The following MAN2C1 variants were observed in gnomAD, a reference collection of about 807,000 sequenced individuals.
The protein encoded by MAN2C1 is alpha-mannosidase 2C1.
In MAN2C1, 111 loss-of-function variants were observed where a neutral mutation model predicts 126.9. The observed-to-expected ratio is 0.87, with a 90% CI of 0.75 to 1.02. The LOEUF (loss-of-function observed/expected upper bound fraction) is 1.02. MAN2C1 is among the 50% of genes least tolerant of loss of function. The pLI is 0.00. For missense variants in MAN2C1, 1,363 were observed against 1,364.4 expected, an observed-to-expected ratio of 1.00 and a Z score of 0.02; for synonymous variants, 567 against 561.5, an observed-to-expected ratio of 1.01 and a Z score of -0.14.
Position 75,365,436 on chromosome 15 carries a change from C to T in MAN2C1, c.423-771G>A, listed in dbSNP as rs913056027. Among the ~76,000 whole-genome samples, 10 of 152,004 alleles carry T rather than the reference C, an allele frequency of 6.6e-5. 1 individual carries two copies. Among genetic ancestry groups the T allele is most frequent in the South Asian group, 2.1e-4 (1 of 4,794 alleles). Reference sequence around the variant, plus strand: ...CAATCTTAACTAGTAAAAACTATACCGGGATGAGCCGGGCACGGTGGCTCA... The same window carrying T: ...CAATCTTAACTAGTAAAAACTATACTGGGATGAGCCGGGCACGGTGGCTCA... On this transcript the variant is annotated intron_variant, in intron 4 of 25. Coordinates refer to ENST00000267978, the MANE Select transcript of MAN2C1 (RefSeq NM_006715.4).
In MAN2C1 at chr15:75,364,166, C is replaced by T. The variant is rs761124020; in HGVS notation, c.623G>A (p.Arg208His). ...IAKGLGKDNQ[R>H]SFQALYTANQ... Reference sequence around the variant, plus strand: ...GGCTGTGTACAGGGCCTGGAAGCTGCGCTGGTTGTCCTTCCCGAGGCCCTG... The same window carrying T: ...GGCTGTGTACAGGGCCTGGAAGCTGTGCTGGTTGTCCTTCCCGAGGCCCTG... The change falls in exon 6 of 26, where the codon CGC becomes CAC. Residue 208 changes from arginine to histidine, a missense_variant. Transcript: ENST00000267978. 2.4e-5 allele frequency: 39 copies of T among 1,610,880 alleles called. No individual in the cohort carries two copies. The highest frequency in any genetic ancestry group is 1.8e-4 in the South Asian group (16 of 90,956).
rs1567290757 is a variant in MAN2C1, at chr15:75,368,209, CG to C, written c.102-12del. ...CTGGCCCCAAAAAGCCTGCGTGGGACGGGCCGGTGGGCACATGCTGGAGGCC... is the reference window on the plus strand; with the variant it reads ...CTGGCCCCAAAAAGCCTGCGTGGGACGGCCGGTGGGCACATGCTGGAGGCC... On this transcript the variant is annotated splice_polypyrimidine_tract_variant and intron_variant, in intron 1 of 25. Coordinates refer to ENST00000267978, the MANE Select transcript of MAN2C1 (RefSeq NM_006715.4). 6.3e-7 allele frequency: 1 copy of C among 1,597,458 alleles called. No homozygotes were observed. The highest frequency in any genetic ancestry group is 1.1e-5 in the South Asian group (1 of 89,266).
chr15:75,356,409 G>C lies in MAN2C1; in HGVS notation c.2778C>G (p.Ser926Arg), dbSNP rs770333226. ...GCAGAGCCAACAGGGGGAAGTTTAGGCTGTAGGCAGCTTGGATAACGCCAG... is the reference window on the plus strand; with the variant it reads ...GCAGAGCCAACAGGGGGAAGTTTAGCCTGTAGGCAGCTTGGATAACGCCAG... ...QDAGVIQAAY[S>R]LNFPLLALPA... The change falls in exon 24 of 26, where the codon AGC becomes AGG. Residue 926 changes from serine to arginine, a missense_variant. Ser to Arg is a moderately radical substitution (Grantham distance 110). Transcript: ENST00000267978. The surrounding 1 kb of genome is among the most constrained non-coding windows in gnomAD (Gnocchi z 5.8). 1 of 1,609,208 alleles carries C rather than the reference G, an allele frequency of 6.2e-7. No homozygotes were observed. Among genetic ancestry groups the C allele is most frequent in the Non-Finnish European group, 8.5e-7 (1 of 1,178,284 alleles).
rs2072530221 is a variant in MAN2C1, at chr15:75,364,139, T to C, written c.650A>G (p.Asn217Ser). 2.5e-6 allele frequency: 4 copies of C among 1,614,020 alleles called. No homozygotes were observed. Among genetic ancestry groups the C allele is most frequent in the African/African-American group, 1.3e-5 (1 of 74,936 alleles). ...AGGGTCACACACGTTCACCATCTGA[T>C]TGGCTGTGTACAGGGCCTGGAAGCT... Reference protein sequence around the residue: ...QRSFQALYTANQMVNVCDPAQ... With the variant: ...QRSFQALYTASQMVNVCDPAQ... Residue 217 changes from asparagine to serine, a missense_variant, in exon 6 of 26, where the codon AAT becomes AGT. Coordinates refer to ENST00000267978, the MANE Select transcript of MAN2C1 (RefSeq NM_006715.4).
chr15:75,356,469 C>T lies in MAN2C1; in HGVS notation c.2738-20G>A, dbSNP rs745987051. The T allele has an allele frequency of 2.5e-6, 4 of 1,584,192 alleles. No homozygotes were observed. The East Asian group carries it at 9.0e-5, about 36-fold the overall frequency. ...AAGAGCCTGGGGTACGACCAGGAAACAATGCTGGTGGAGAATGGGGGCTAC... is the reference window on the plus strand; with the variant it reads ...AAGAGCCTGGGGTACGACCAGGAAATAATGCTGGTGGAGAATGGGGGCTAC... On this transcript the variant is annotated intron_variant, in intron 23 of 25. Coordinates refer to ENST00000267978, the MANE Select transcript of MAN2C1 (RefSeq NM_006715.4). This position sits in a 1 kb window ranked among gnomAD's most constrained non-coding sequence, Gnocchi z 5.8.
At position 75,368,106 on chromosome 15, in the gene MAN2C1, CG is replaced by C. The variant is rs1369609461; in HGVS notation, c.193del (p.Arg65AlafsTer22). The C allele has an allele frequency of 1.2e-6, 2 of 1,607,302 alleles. No individual in the cohort carries two copies. The highest frequency in any genetic ancestry group is 1.7e-6 in the Non-Finnish European group (2 of 1,177,832). ...GAAGCTGTCGCCGACCTGCGCGGGGCGGAAGTCCCGCTGGACTGCCTCCTGG... is the reference window on the plus strand; with the variant it reads ...GAAGCTGTCGCCGACCTGCGCGGGGCGAAGTCCCGCTGGACTGCCTCCTGG... ...PYQEAVQRDF[R>X]PAQVGDSFGP... On this transcript the variant is annotated frameshift_variant, in exon 2 of 26. Coordinates refer to ENST00000267978, the MANE Select transcript of MAN2C1 (RefSeq NM_006715.4). LOFTEE classifies it high-confidence loss of function.
rs143512696 is a variant in MAN2C1 at position 75,360,138 on chromosome 15, C to A, written c.1658G>T (p.Arg553Leu). Residue 553 changes from arginine (R) to leucine (L), a missense_variant, in exon 14 of 26, where the codon CGC becomes CTC. Around this residue, in one of 3 missense-constraint regions of MAN2C1, gnomAD observed 668 missense variants for 650.1 expected, o/e 1.03. Transcript: ENST00000267978. ...TGCTGGGTATAGGAACTGGGCACTG[C>A]GGGCCAGGGCCAGGCTACTGAGCAG... ...VELLSSLALA[R>L]SAQFLYPAAQ... is the part of the protein sequence containing the mutation. 1.9e-6 allele frequency: 3 copies of A among 1,613,668 alleles called. No homozygotes were observed. The East Asian group carries it at 6.7e-5, about 36-fold the overall frequency.
chr15:75,364,897 A>G (rs1567285570), intron 4 of MAN2C1, among the ~76,000 whole-genome samples: 1 of 152,260 alleles, frequency 6.6e-6, no homozygotes. Flanking sequence ...GTTTGGAACC[A>G]TGTAAAGTAC....
Position 75,356,386 on chromosome 15 carries a change from A to AGC in MAN2C1, c.2800_2801insGC (p.Leu934ArgfsTer42). 1 of 1,611,594 alleles carries AGC rather than the reference A, an allele frequency of 6.2e-7. No homozygotes were observed. Among genetic ancestry groups the AGC allele is most frequent in the East Asian group, 2.2e-5 (1 of 44,828 alleles). On this transcript the variant is annotated frameshift_variant, in exon 24 of 26. Transcript: ENST00000267978. LOFTEE classifies it high-confidence loss of function. This position sits in a 1 kb window ranked among gnomAD's most constrained non-coding sequence, Gnocchi z 5.8. ...GGCGGGCGCTGGGCTGGGGGCTGGC[A>AGC]GAGCCAACAGGGGGAAGTTTAGGCT...
In MAN2C1 at chr15:75,362,846, G is replaced by A; in HGVS notation, c.791-98C>T. On this transcript the variant is annotated intron_variant, in intron 6 of 25. Coordinates refer to ENST00000267978, the MANE Select transcript of MAN2C1 (RefSeq NM_006715.4). This position sits in a 1 kb window ranked among gnomAD's most constrained non-coding sequence, Gnocchi z 4.5. ...TCACCTAGCCCCCCTCCCATCCCAG[G>A]CCCTTCACCCTGGAAAGCCCTGTGG... 1.0e-6 allele frequency: 1 copy of A among 1,000,202 alleles called. No individual in the cohort carries two copies. The highest frequency in any genetic ancestry group is 1.4e-5 in the South Asian group (1 of 71,954). 62.0% of individuals were successfully genotyped at this position (1,000,202 alleles called of 1,614,324 possible).
At chr15:75,366,654 T>C (rs555566283) in intron 3 of MAN2C1, 62 bp from the exon 4 acceptor site, 1 of 1,311,554 alleles carries the variant, frequency 7.6e-7, no homozygotes, top group Admixed American at 2.2e-5. Flanking sequence ...AGGTAAAGTG[T>C]AAGCCATGGG....
At position 75,359,350 on chromosome 15, in the gene MAN2C1, T is replaced by C; in HGVS notation, c.2024A>G (p.Gln675Arg). Residue 675 changes from glutamine (Q) to arginine (R), a missense_variant, in exon 17 of 26, where the codon CAG becomes CGG. Transcript: ENST00000267978. Reference protein sequence around the residue: ...PTSLQPLLPQQPVFVVQETDG... With the variant: ...PTSLQPLLPQRPVFVVQETDG... ...CACCTCTTGCACTACGAACACAGGC[T>C]GCTGGGGCAGCAGGGGCTGCAGTGA... The C allele has an allele frequency of 6.3e-7, 1 of 1,599,434 alleles. No individual in the cohort carries two copies. The highest frequency in any genetic ancestry group is 1.1e-5 in the South Asian group (1 of 88,900).
chr15:75,368,376 G>C, intron 1 of MAN2C1, 107 bp downstream of exon 1: 1 of 1,399,368 alleles, frequency 7.1e-7, no homozygotes, highest in East Asian at 2.5e-5. Context: ...CCCGCGGCGG[G>C]CACTTTGTCC....
chr15:75,367,998 C>T (rs2072614431), intron 2 of MAN2C1, 75 bp downstream of exon 2: 2 of 1,507,952 alleles, frequency 1.3e-6, no homozygotes, highest in Admixed American at 2.1e-5. Context: ...GGGCAGACAA[C>T]GAAGGTGTGG....
At chr15:75,358,433 AAAAC>A (rs748009801) in intron 20 of MAN2C1, 25 bp downstream of exon 20, 15 of 1,612,930 alleles carry the variant, frequency 9.3e-6, no homozygotes, top group Middle Eastern at 1.7e-4. Context: ...ACACTTGGGG[AAAAC>A]AGCCACCCCC....
chr15:75,361,787 C>G lies in MAN2C1; in HGVS notation c.1102-67G>C, dbSNP rs143335590. On this transcript the variant is annotated intron_variant, in intron 9 of 25. Coordinates refer to ENST00000267978, the MANE Select transcript of MAN2C1 (RefSeq NM_006715.4). The surrounding 1 kb of genome is among the most constrained non-coding windows in gnomAD (Gnocchi z 5.0). ...CAGGCGGACTCACCCCAGCCTCAGC[C>G]CCTCAGCACTCCAAGTCGAGCGCCA... The G allele has an allele frequency of 1.5e-3, 2,368 of 1,591,064 alleles. 22 individuals carry two copies. Among genetic ancestry groups the G allele is most frequent in the East Asian group, 0.01 (449 of 44,756 alleles).
rs1193255684 is a variant in MAN2C1 at position 75,356,408 on chromosome 15, G to A, written c.2779C>T (p.Leu927=). The change falls in exon 24 of 26, where the codon CTA becomes TTA. Residue 927 remains leucine (L), a synonymous_variant. Coordinates refer to ENST00000267978, the MANE Select transcript of MAN2C1 (RefSeq NM_006715.4). The surrounding 1 kb of genome is among the most constrained non-coding windows in gnomAD (Gnocchi z 5.8). ...GGCAGAGCCAACAGGGGGAAGTTTA[G>A]GCTGTAGGCAGCTTGGATAACGCCA... ...DAGVIQAAYS[L]NFPLLALPAP... 1.2e-6 allele frequency: 2 copies of A among 1,609,822 alleles called. No individual in the cohort carries two copies. The highest frequency in any genetic ancestry group is 2.2e-5 in the East Asian group (1 of 44,776).
chr15:75,362,920 G>A lies in MAN2C1; in HGVS notation c.791-172C>T. Reference sequence around the variant, plus strand: ...ACTTCACTCCAGCGAGGTGGGAGGAGGGGCTGGGGAAAGGAGGCGGCAGTG... The same window carrying A: ...ACTTCACTCCAGCGAGGTGGGAGGAAGGGCTGGGGAAAGGAGGCGGCAGTG... On this transcript the variant is annotated intron_variant, in intron 6 of 25. Transcript: ENST00000267978. The surrounding 1 kb of genome is among the most constrained non-coding windows in gnomAD (Gnocchi z 4.5). 1.6e-6 allele frequency: 1 copy of A among 613,434 alleles called. No homozygotes were observed. Among genetic ancestry groups the A allele is most frequent in the East Asian group, 2.8e-5 (1 of 35,732 alleles). 38.0% of individuals were successfully genotyped at this position (613,434 alleles called of 1,614,324 possible).
chr15:75,356,798 G>A lies in MAN2C1; in HGVS notation c.2652C>T (p.Leu884=). Residue 884 remains leucine (L), a synonymous_variant, in exon 22 of 26, where the codon CTC becomes CTT. Transcript: ENST00000267978. The surrounding 1 kb of genome is among the most constrained non-coding windows in gnomAD (Gnocchi z 5.8). ...CTGGTGGGTACCCCACTTACAGCGAGAGGCTGAGGATGCTGCCTCGCACTG... is the reference window on the plus strand; with the variant it reads ...CTGGTGGGTACCCCACTTACAGCGAAAGGCTGAGGATGCTGCCTCGCACTG... ...GASVRGSILS[L]SLLRAPKAPD... The A allele has an allele frequency of 6.2e-7, 1 of 1,614,074 alleles. No homozygotes were observed. The highest frequency in any genetic ancestry group is 8.5e-7 in the Non-Finnish European group (1 of 1,180,032).
Sources: gnomAD v4.1 joint callset for allele counts (sites outside exome capture counted in the v4.1 genomes callset) on GRCh38, gnomAD v4.1.1 for gene constraint, gnomAD v4.1.1 regional missense constraint, Gnocchi (gnomAD v3.1) non-coding constraint, MANE v1.5 for transcripts, NCBI Gene and HGNC (gene_info 2026-07-23, HGNC 2026-07-21) for gene names.